Variants in NLK observed in about 807,000 individuals in gnomAD.
NLK encodes nemo like kinase.
A neutral mutation model predicts 59.0 loss-of-function variants in NLK; 11 were observed. The ratio of observed to expected loss-of-function variants is 0.19; its 90% CI spans 0.12 to 0.31. NLK has a LOEUF of 0.31. NLK is among the 10% of genes least tolerant of loss of function. The probability of loss-of-function intolerance (pLI) is 1.00; values close to 1 mark genes in which losing one functional copy is unlikely to be tolerated. For missense variants in NLK, 410 were observed against 661.1 expected (o/e 0.62, Z 4.16); for synonymous variants, 235 against 235.9 (o/e 1.00, Z 0.03).
chr17:28,098,844 G>A (rs373698772), intron 1 of NLK, among the ~76,000 whole-genome samples: 3 of 151,740 alleles, frequency 2.0e-5, no homozygotes, highest in Non-Finnish European at 4.4e-5. Context: ...CACGACGCTC[G>A]GCTAATTTTT....
chr17:28,055,112 G>C (rs1432759067), intron 1 of NLK, among the ~76,000 whole-genome samples: 1 of 59,284 alleles, frequency 1.7e-5, no homozygotes, highest in Admixed American at 2.1e-4. Context: ...TTTTTTTTTT[G>C]AGACGGATTC....
At chr17:28,108,824 T>C (rs1322922136) in intron 1 of NLK, among the ~76,000 whole-genome samples, 1 of 152,216 alleles carries the variant, frequency 6.6e-6, no homozygotes, top group African/African-American at 2.4e-5. Context: ...GATTCCAGCA[T>C]TACCTGAGAA....
At chr17:28,123,720 T>G (rs1906170278) in intron 2 of NLK, among the ~76,000 whole-genome samples, 1 of 152,196 alleles carries the variant, frequency 6.6e-6, no homozygotes, top group Non-Finnish European at 1.5e-5. Context: ...TGGCTATGTT[T>G]AGAGATGTGA....
chr17:28,079,519 C>A lies in NLK; in HGVS notation c.458+36188C>A, dbSNP rs796585082. Among the ~76,000 whole-genome samples, 4 of 152,270 alleles carry A rather than the reference C, an allele frequency of 2.6e-5. No homozygotes were observed. In the East Asian group the frequency reaches 5.8e-4, roughly 22 times the overall value. On this transcript the variant is annotated intron_variant, in intron 1 of 10. Transcript: ENST00000407008. ...TCCATTATTTTCACATTTTTGCCAGCACATGTTATTTTATTGTATTCTATT... is the reference window on the plus strand; with the variant it reads ...TCCATTATTTTCACATTTTTGCCAGAACATGTTATTTTATTGTATTCTATT...
intron 1 of NLK, among the ~76,000 whole-genome samples, chr17:28,055,942 A>C (rs1909428352): frequency 6.6e-6 from 1 of 152,182 alleles, no homozygotes; most frequent in Non-Finnish European, 1.5e-5. Context: ...CATAAAAGGA[A>C]GGTTTTTTTC....
chr17:28,070,033 C>A (rs1909955915), intron 1 of NLK, among the ~76,000 whole-genome samples: 1 of 151,902 alleles, frequency 6.6e-6, no homozygotes, highest in South Asian at 2.1e-4. Flanking sequence ...GTCAGGAGTT[C>A]GAGATCAGCC....
intron 1 of NLK, among the ~76,000 whole-genome samples, chr17:28,047,392 T>G (rs374772354): frequency 2.6e-5 from 4 of 152,302 alleles, no homozygotes; most frequent in African/African-American, 9.6e-5. Context: ...ATGGTTGAAT[T>G]TAAAGCCAAG....
intron 7 of NLK, among the ~76,000 whole-genome samples, chr17:28,178,858 G>A (rs1344683594): frequency 2.0e-5 from 3 of 152,254 alleles, no homozygotes; most frequent in Non-Finnish European, 2.9e-5. Context: ...GCCAGCTAAG[G>A]TCTAAAACTT....
At chr17:28,111,442 TG>T (rs1905474173) in intron 1 of NLK, among the ~76,000 whole-genome samples, 1 of 152,094 alleles carries the variant, frequency 6.6e-6, no homozygotes, top group Admixed American at 6.5e-5. Context: ...CCCAAAGTGC[TG>T]GGATTACAGG....
intron 1 of NLK, among the ~76,000 whole-genome samples, chr17:28,087,555 G>GAT (rs1910556097): frequency 6.6e-6 from 1 of 152,174 alleles, no homozygotes; most frequent in Non-Finnish European, 1.5e-5. Flanking sequence ...ATGGGGCTAT[G>GAT]GTATAGAAAC....
chr17:28,092,747 T>TTTTTATTTTA (rs527686804), intron 1 of NLK, among the ~76,000 whole-genome samples: 2,013 of 139,370 alleles, frequency 0.014, 44 homozygotes, highest in African/African-American at 0.03. Flanking sequence ...AAGTGGCTTG[T>TTTTTATTTTA]TTTTATTTTA....
intron 3 of NLK, among the ~76,000 whole-genome samples, chr17:28,157,418 T>G (rs530367081): frequency 6.6e-6 from 1 of 152,254 alleles, no homozygotes; most frequent in Admixed American, 6.5e-5. Context: ...CTCAAACTTC[T>G]GACCTCAAGT....
At chr17:28,133,030 G>T (rs1284120656) in intron 3 of NLK, among the ~76,000 whole-genome samples, 1 of 152,190 alleles carries the variant, frequency 6.6e-6, no homozygotes, top group Admixed American at 6.5e-5. Flanking sequence ...CTGCCTGTCG[G>T]TTAAGAGAGT....
chr17:28,098,565 A>G (rs1211713457), intron 1 of NLK, among the ~76,000 whole-genome samples: 2 of 151,868 alleles, frequency 1.3e-5, no homozygotes, highest in African/African-American at 4.8e-5. Flanking sequence ...TATTGGCCAC[A>G]TCATTTTAAT....
Position 28,042,988 on chromosome 17 carries a change from C to A in NLK, c.115C>A (p.Pro39Thr). ...HHHHHHLPHL[P>T]PPHLHHHHHP... The stretch of plus-strand genomic sequence containing the variant: ...CCATCACCACCACCTTCCACACCTC[C>A]CTCCTCCTCACCTGCACCACCACCA... Residue 39 changes from proline (P) to threonine (T), a missense_variant, in exon 1 of 11, where the codon CCT (proline) becomes ACT (threonine). Pro to Thr is a conservative substitution (Grantham distance 38). Around this residue, in one of 5 missense-constraint regions of NLK, gnomAD observed 160 missense variants for 171.0 expected, o/e 0.94. Transcript: ENST00000407008. The A allele has an allele frequency of 6.4e-7, 1 of 1,557,280 alleles. No homozygotes were observed. Among genetic ancestry groups the A allele is most frequent in the Non-Finnish European group, 8.7e-7 (1 of 1,149,874 alleles).
intron 1 of NLK, among the ~76,000 whole-genome samples, chr17:28,098,796 C>T (rs1022991265): frequency 6.6e-6 from 1 of 150,592 alleles, no homozygotes; most frequent in African/African-American, 2.5e-5. Flanking sequence ...GATTTTCCTG[C>T]CTTAGCCTCC....
intron 3 of NLK, among the ~76,000 whole-genome samples, chr17:28,139,483 G>A (rs544007826): frequency 1.3e-5 from 2 of 152,280 alleles, no homozygotes; most frequent in South Asian, 2.1e-4. Context: ...GAACAATCCA[G>A]GAACAGATAA....
At chr17:28,179,872 G>GTTTTTTTTTTTTTTTTTT (rs34411493) in intron 7 of NLK, among the ~76,000 whole-genome samples, 2 of 79,412 alleles carry the variant, frequency 2.5e-5, no homozygotes, top group African/African-American at 5.0e-5. Flanking sequence ...AGCATTCTTG[G>GTTTTTTTTTTTTTTTTTT]TTTTTTTTTT....
At chr17:28,194,549 A>G in intron 10 of NLK, 33 bp from the exon 11 acceptor site, 6 of 1,536,822 alleles carry the variant, frequency 3.9e-6, no homozygotes, top group Non-Finnish European at 5.4e-6. Flanking sequence ...TTGTGACATT[A>G]CAACTAATTT....
Sources: allele counts gnomAD v4.1 joint callset (sites outside exome capture counted in the v4.1 genomes callset), GRCh38; gene constraint gnomAD v4.1.1; regional missense constraint gnomAD v4.1.1; transcripts MANE v1.5; gene names NCBI Gene and HGNC (gene_info 2026-07-23, HGNC 2026-07-21).